Variants in DPYD observed in about 807,000 individuals in gnomAD.
The protein encoded by DPYD is dihydropyrimidine dehydrogenase [NADP(+)].
Under a neutral mutation model 116.2 loss-of-function variants are expected in DPYD, and 109 were observed. That is an observed-to-expected ratio of 0.94 (90% confidence interval 0.80 to 1.10). The LOEUF (loss-of-function observed/expected upper bound fraction) is 1.10. Among genes scored for constraint, DPYD ranks in the 50% least tolerant of loss-of-function variants. The probability of loss-of-function intolerance (pLI) is 0.00; values close to 1 mark genes in which losing one functional copy is unlikely to be tolerated. For missense variants in DPYD, 1,302 were observed against 1,254.5 expected (o/e 1.04, Z -0.57); for synonymous variants, 440 against 432.0 (o/e 1.02, Z -0.23).
At chr1:97,113,529 G>C (rs1288078057) in intron 20 of DPYD, among the ~76,000 whole-genome samples, 3 of 152,102 alleles carry the variant, frequency 2.0e-5, no homozygotes, top group Non-Finnish European at 4.4e-5. Flanking sequence ...ATTTGAGAAA[G>C]TAAGTTTCTA....
intron 11 of DPYD, among the ~76,000 whole-genome samples, chr1:97,564,303 G>C (rs1652369722): frequency 2.0e-5 from 3 of 152,072 alleles, no homozygotes; most frequent in Non-Finnish European, 4.4e-5. Flanking sequence ...GAAATCAACA[G>C]TAACAAAAGC....
rs79392585 is a variant in DPYD at position 97,895,483 on chromosome 1, T to C, written c.40-12109A>G. 6.4e-3 allele frequency among the ~76,000 whole-genome samples: 969 copies of C among 151,908 alleles called. 12 individuals are homozygous for C. Among genetic ancestry groups the C allele is most frequent in the African/African-American group, 0.022 (925 of 41,524 alleles). ...AGGTTCACAAAACTGTAATAAATCA[T>C]AGCGTGACTAGTTGCCCTTCATCTA... On this transcript the variant is annotated intron_variant, in intron 1 of 22. Coordinates refer to ENST00000370192, the MANE Select transcript of DPYD (RefSeq NM_000110.4).
chr1:97,549,869 G>A, intron 11 of DPYD, 125 bp from the exon 12 acceptor site: 1 of 887,732 alleles, frequency 1.1e-6, no homozygotes, highest in Non-Finnish European at 1.7e-6. Context: ...ACTGTTTTTA[G>A]TAAACTATAA....
intron 20 of DPYD, among the ~76,000 whole-genome samples, chr1:97,189,378 T>C (rs1473706547): frequency 1.3e-5 from 2 of 152,202 alleles, no homozygotes; most frequent in Non-Finnish European, 2.9e-5. Context: ...AAGTGATCAT[T>C]AGTTTTTGGC....
chr1:97,156,730 C>G (rs938387302), intron 20 of DPYD, among the ~76,000 whole-genome samples: 3 of 151,886 alleles, frequency 2.0e-5, no homozygotes, highest in African/African-American at 7.3e-5. Flanking sequence ...GGACCTAGAA[C>G]TAGAAATACC....
chr1:97,663,504 T>G (rs1659383772), intron 8 of DPYD, among the ~76,000 whole-genome samples: 1 of 152,196 alleles, frequency 6.6e-6, no homozygotes, highest in Non-Finnish European at 1.5e-5. Context: ...AGCCCTACCT[T>G]TGGTCCTCAA....
At chr1:97,895,316 G>A (rs1174925319) in intron 1 of DPYD, among the ~76,000 whole-genome samples, 1 of 151,726 alleles carries the variant, frequency 6.6e-6, no homozygotes, top group Non-Finnish European at 1.5e-5. Context: ...GTGTATACCA[G>A]CATGCTAAAA....
intron 20 of DPYD, among the ~76,000 whole-genome samples, chr1:97,102,143 C>T (rs992247467): frequency 1.3e-5 from 2 of 151,634 alleles, no homozygotes; most frequent in Non-Finnish European, 2.9e-5. Context: ...AGTAGAAAAG[C>T]GTTCTTGTTT....
At chr1:97,444,077 C>T (rs1317866497) in intron 14 of DPYD, among the ~76,000 whole-genome samples, 1 of 152,186 alleles carries the variant, frequency 6.6e-6, no homozygotes, top group Non-Finnish European at 1.5e-5. Flanking sequence ...CAGCTACATC[C>T]TTGCAAAGCA....
At chr1:97,311,520 A>G (rs1388897023) in intron 16 of DPYD, among the ~76,000 whole-genome samples, 4 of 151,726 alleles carry the variant, frequency 2.6e-5, no homozygotes, top group African/African-American at 9.7e-5. Flanking sequence ...GGGTTGGGGG[A>G]AAGTCAATAC....
intron 19 of DPYD, 126 bp from the exon 20 acceptor site, chr1:97,193,374 A>G: frequency 1.0e-6 from 1 of 970,028 alleles, no homozygotes; most frequent in South Asian, 1.4e-5. Flanking sequence ...ATGATGGATC[A>G]GTAGCCGTCT....
intron 20 of DPYD, among the ~76,000 whole-genome samples, chr1:97,173,365 T>TATGCAC (rs1656973843): frequency 1.3e-5 from 2 of 149,418 alleles, no homozygotes; most frequent in African/African-American, 4.9e-5. Flanking sequence ...TGTACATATA[T>TATGCAC]ACATATATGT....
chr1:97,429,692 C>T (rs1675066442), intron 14 of DPYD, among the ~76,000 whole-genome samples: 1 of 152,094 alleles, frequency 6.6e-6, no homozygotes, highest in Admixed American at 6.6e-5. Flanking sequence ...ATGTCTACTA[C>T]TCAGTCTAGT....
chr1:97,445,488 T>A (rs1676024033), intron 14 of DPYD, among the ~76,000 whole-genome samples: 1 of 152,134 alleles, frequency 6.6e-6, no homozygotes, highest in African/African-American at 2.4e-5. Flanking sequence ...TCATGAATAT[T>A]CATAGCTTCT....
intron 16 of DPYD, among the ~76,000 whole-genome samples, chr1:97,341,838 C>T (rs967976458): frequency 5.3e-5 from 8 of 152,102 alleles, no homozygotes; most frequent in East Asian, 1.9e-4. Context: ...GTCCTGGAGT[C>T]GATTCCATGT....
intron 13 of DPYD, among the ~76,000 whole-genome samples, chr1:97,502,309 G>C (rs189491568): frequency 0.012 from 1,871 of 152,050 alleles, 23 homozygotes; most frequent in Middle Eastern, 0.024. Flanking sequence ...GCCATTAGCA[G>C]CAATTTTCTT....
At chr1:97,523,324 A>T (rs1431607677) in intron 12 of DPYD, among the ~76,000 whole-genome samples, 3 of 152,180 alleles carry the variant, frequency 2.0e-5, no homozygotes, top group Admixed American at 1.3e-4. Flanking sequence ...CTATTTTTTT[A>T]AAGTTTGCTT....
At chr1:97,604,228 T>C (rs1468433584) in intron 8 of DPYD, among the ~76,000 whole-genome samples, 1 of 152,158 alleles carries the variant, frequency 6.6e-6, no homozygotes, top group African/African-American at 2.4e-5. Context: ...GTTACTTATA[T>C]AGCTATAAAT....
At chr1:97,095,623 T>C (rs1420361953) in intron 21 of DPYD, among the ~76,000 whole-genome samples, 1 of 151,734 alleles carries the variant, frequency 6.6e-6, no homozygotes, top group Non-Finnish European at 1.5e-5. Context: ...CTTCTGTGTG[T>C]GTATGTATAT....
Sources: allele counts gnomAD v4.1 joint callset (sites outside exome capture counted in the v4.1 genomes callset), GRCh38; gene constraint gnomAD v4.1.1; transcripts MANE v1.5; gene names NCBI Gene and HGNC (gene_info 2026-07-23, HGNC 2026-07-21).